Variants in ADAM18 observed in about 807,000 individuals in gnomAD.
The protein encoded by ADAM18 is ADAM metallopeptidase domain 18, also known as disintegrin and metalloproteinase domain-containing protein 18.
A neutral mutation model predicts 94.4 loss-of-function variants in ADAM18; 117 were observed. The ratio of observed to expected loss-of-function variants is 1.24; its 90% CI spans 1.07 to 1.45. The LOEUF is 1.45. Ranked by LOEUF, ADAM18 falls within the 40% of genes most tolerant of loss-of-function variation. The pLI is 0.00. For synonymous variants in ADAM18, 327 were observed against 291.6 expected, an observed-to-expected ratio of 1.12 and a Z score of -1.24; for missense variants, 936 against 880.0, an observed-to-expected ratio of 1.06 and a Z score of -0.81.
At chr8:39,611,230 G>T in intron 6 of ADAM18, 1 of 542,072 alleles carries the variant, frequency 1.8e-6, no homozygotes. Flanking sequence ...TTCTTATTGG[G>T]AATTCCTTGG....
chr8:39,614,493 G>A (rs1021686698), intron 6 of ADAM18, among the ~76,000 whole-genome samples: 3 of 152,132 alleles, frequency 2.0e-5, no homozygotes, highest in Admixed American at 1.3e-4. Flanking sequence ...GGAAACAAAA[G>A]ACCATACAGG....
intron 14 of ADAM18, among the ~76,000 whole-genome samples, chr8:39,669,289 T>A (rs1357305137): frequency 6.6e-6 from 1 of 151,044 alleles, no homozygotes; most frequent in African/African-American, 2.4e-5. Flanking sequence ...TTTTTAAATT[T>A]TATTATTATT....
intron 12 of ADAM18, among the ~76,000 whole-genome samples, chr8:39,662,151 T>C (rs2129580027): frequency 6.6e-6 from 1 of 152,180 alleles, no homozygotes; most frequent in South Asian, 2.1e-4. Context: ...AGTTTTTCCA[T>C]TCCTTGTTAC....
At position 39,726,326 on chromosome 8, in the gene ADAM18, G is replaced by A. The variant is rs529262741; in HGVS notation, c.2177+2419G>A. 1.1e-4 allele frequency among the ~76,000 whole-genome samples: 16 copies of A among 151,422 alleles called. No individual in the cohort carries two copies. The East Asian group carries it at 1.4e-3, about 13-fold the overall frequency. On this transcript the variant is annotated intron_variant, in intron 19 of 19. Coordinates refer to ENST00000265707, the MANE Select transcript of ADAM18 (RefSeq NM_014237.3). ...TATAATTTGTAGAGACAGTGTCTCC[G>A]TATGTTGCGTAGGCTTGTCTAAACT... is the stretch of plus-strand genomic sequence containing the variant.
chr8:39,626,870 T>C (rs1403275152), intron 6 of ADAM18, among the ~76,000 whole-genome samples: 1 of 152,140 alleles, frequency 6.6e-6, no homozygotes, highest in Non-Finnish European at 1.5e-5. Flanking sequence ...GAGAAGAATA[T>C]AGTTCTTGGG....
chr8:39,710,027 A>G (rs1176824101), intron 18 of ADAM18, among the ~76,000 whole-genome samples: 1 of 152,236 alleles, frequency 6.6e-6, no homozygotes, highest in Non-Finnish European at 1.5e-5. Context: ...CGTTAAGGGT[A>G]TCAGGGAATG....
rs576577285 is a variant in ADAM18, at chr8:39,655,767, C to T, written c.1230+7240C>T. 5.3e-5 allele frequency among the ~76,000 whole-genome samples: 8 copies of T among 151,916 alleles called. No homozygotes were observed. The South Asian group carries it at 6.2e-4, about 12-fold the overall frequency. On this transcript the variant is annotated intron_variant, in intron 12 of 19. Transcript: ENST00000265707. ...ATAATCTAGAAATAAATTATTTGCA[C>T]GTATAAATGAATTTATCGAGGTCAC... is the stretch of plus-strand genomic sequence containing the variant.
chr8:39,689,453 C>A (rs903173662), intron 16 of ADAM18, among the ~76,000 whole-genome samples: 8 of 152,120 alleles, frequency 5.3e-5, no homozygotes, highest in African/African-American at 1.9e-4. Flanking sequence ...AATAGAATAT[C>A]CTTTGCCCAT....
At chr8:39,710,709 G>A (rs1350539438) in intron 18 of ADAM18, among the ~76,000 whole-genome samples, 2 of 152,142 alleles carry the variant, frequency 1.3e-5, no homozygotes, top group African/African-American at 4.8e-5. Context: ...TACTATATTT[G>A]TTGGAGTATT....
At chr8:39,672,172 A>G (rs1471534876) in intron 14 of ADAM18, among the ~76,000 whole-genome samples, 1 of 152,170 alleles carries the variant, frequency 6.6e-6, no homozygotes, top group Admixed American at 6.5e-5. Flanking sequence ...GAATACTGTA[A>G]TCTATGTACT....
At chr8:39,591,523 T>C (rs919988363) in intron 2 of ADAM18, among the ~76,000 whole-genome samples, 2 of 152,228 alleles carry the variant, frequency 1.3e-5, no homozygotes, top group East Asian at 3.8e-4. Context: ...TAACTCCTCA[T>C]CGATTCAAGT....
chr8:39,596,191 C>G (rs1272087335), intron 2 of ADAM18, among the ~76,000 whole-genome samples: 1 of 152,288 alleles, frequency 6.6e-6, no homozygotes, highest in East Asian at 1.9e-4. Context: ...TCTATATTGA[C>G]ACATCATCAC....
chr8:39,634,011 A>G (rs1047322761), intron 7 of ADAM18, among the ~76,000 whole-genome samples: 1 of 152,152 alleles, frequency 6.6e-6, no homozygotes, highest in African/African-American at 2.4e-5. Context: ...CTGCCTTCCC[A>G]TTACAAGCCC....
chr8:39,592,801 C>G (rs1818613400), intron 2 of ADAM18, among the ~76,000 whole-genome samples: 1 of 152,258 alleles, frequency 6.6e-6, no homozygotes, highest in Non-Finnish European at 1.5e-5. Context: ...ATGTAACAAT[C>G]AAGCACGTGT....
intron 11 of ADAM18, among the ~76,000 whole-genome samples, chr8:39,646,902 A>G (rs1430477754): frequency 6.6e-6 from 1 of 152,068 alleles, no homozygotes; most frequent in Non-Finnish European, 1.5e-5. Flanking sequence ...AGGAGAATGA[A>G]GAGGGGGCAC....
intron 14 of ADAM18, among the ~76,000 whole-genome samples, chr8:39,674,110 G>T (rs772699163): frequency 6.6e-6 from 1 of 152,156 alleles, no homozygotes; most frequent in African/African-American, 2.4e-5. Flanking sequence ...TTGATTTGGG[G>T]TGGAGAGTTC....
chr8:39,618,739 C>T (rs569722258), intron 6 of ADAM18, among the ~76,000 whole-genome samples: 19 of 152,084 alleles, frequency 1.2e-4, no homozygotes, highest in Non-Finnish European at 2.6e-4. Flanking sequence ...CCCATGTGTC[C>T]GTTTATAGAC....
chr8:39,640,342 C>T (rs954306361), intron 10 of ADAM18, among the ~76,000 whole-genome samples: 2 of 152,008 alleles, frequency 1.3e-5, no homozygotes, highest in East Asian at 3.9e-4. Context: ...CATCGATGTC[C>T]CTGCAAAGGA....
intron 13 of ADAM18, among the ~76,000 whole-genome samples, chr8:39,667,401 C>T (rs79643815): frequency 1.9e-5 from 1 of 54,026 alleles, no homozygotes; most frequent in African/African-American, 5.8e-5. Context: ...AACTCCATCT[C>T]AAAAAAAAAA....
Sources: allele counts gnomAD v4.1 joint callset (sites outside exome capture counted in the v4.1 genomes callset), GRCh38; gene constraint gnomAD v4.1.1; transcripts MANE v1.5; gene names NCBI Gene and HGNC (gene_info 2026-07-23, HGNC 2026-07-21).